The following PRRG1 variants were observed in gnomAD, a reference collection of about 807,000 sequenced individuals.
PRRG1 encodes the protein proline rich and Gla domain 1, also known as transmembrane gamma-carboxyglutamic acid protein 1.
Under a neutral mutation model 11.8 loss-of-function variants are expected in PRRG1, and 5 were observed. The ratio of observed to expected loss-of-function variants is 0.42; its 90% CI spans 0.22 to 0.89. PRRG1 has a LOEUF of 0.89. PRRG1 is among the 40% of genes least tolerant of loss of function. The probability of loss-of-function intolerance (pLI) is 0.28; values close to 1 mark genes in which losing one functional copy is unlikely to be tolerated. For missense variants in PRRG1, 155 were observed against 166.1 expected (o/e 0.93, Z 0.37); for synonymous variants, 66 against 60.4 (o/e 1.09, Z -0.43).
At chrX:37,444,565 T>C (rs1482075712) in intron 3 of PRRG1, among the ~76,000 whole-genome samples, 1 of 112,030 alleles carries the variant, frequency 8.9e-6, no homozygotes, top group Non-Finnish European at 1.9e-5. Context: ...GTGCCTGGCA[T>C]GGTGTAAGTA....
intron 1 of PRRG1, among the ~76,000 whole-genome samples, chrX:37,395,955 A>G (rs782467761): frequency 1.8e-5 from 2 of 112,023 alleles, no homozygotes; most frequent in South Asian, 7.5e-4. Context: ...AACTGAAATG[A>G]TAGCAGCTCC....
intron 3 of PRRG1, among the ~76,000 whole-genome samples, chrX:37,445,572 C>CT (rs1472580909): frequency 3.6e-5 from 4 of 112,661 alleles, no homozygotes; most frequent in African/African-American, 1.3e-4. Flanking sequence ...CATGCACATA[C>CT]TGCACCAAAC....
intron 1 of PRRG1, among the ~76,000 whole-genome samples, chrX:37,397,333 A>AG (rs1337676197): frequency 8.9e-6 from 1 of 112,408 alleles, no homozygotes; most frequent in Non-Finnish European, 1.9e-5. Flanking sequence ...AAATTGATTA[A>AG]GGTGGTATGT....
intron 3 of PRRG1, among the ~76,000 whole-genome samples, chrX:37,433,965 T>A (rs930050887): frequency 2.7e-5 from 3 of 112,463 alleles, no homozygotes; most frequent in Non-Finnish European, 3.8e-5. Flanking sequence ...TCTCATTTTT[T>A]ATCTGTTTCA....
At chrX:37,388,915 T>C (rs1274247108) in intron 1 of PRRG1, among the ~76,000 whole-genome samples, 1 of 112,543 alleles carries the variant, frequency 8.9e-6, no homozygotes, top group South Asian at 3.7e-4. Flanking sequence ...TCCAGTTTTA[T>C]GTTATTTCTT....
rs781823966 is a variant in PRRG1, at chrX:37,404,524, G to A, written c.-41-1685G>A. On this transcript the variant is annotated intron_variant, in intron 1 of 3. Coordinates refer to ENST00000378628, the MANE Select transcript of PRRG1 (RefSeq NM_001142395.2). ...CTAACACTTTCCTAAAGGTTTCCCA[G>A]AATAGCTTTATCTGAAGGGTCAGGA... Among the ~76,000 whole-genome samples the A allele has an allele frequency of 1.3e-4, 15 of 111,118 alleles. No individual in the cohort carries two copies. The South Asian group carries it at 5.0e-3, about 37-fold the overall frequency.
At chrX:37,387,489 A>G (rs1440186937) in intron 1 of PRRG1, among the ~76,000 whole-genome samples, 3 of 111,768 alleles carry the variant, frequency 2.7e-5, no homozygotes, top group African/African-American at 9.8e-5. Context: ...GGGAACTTAA[A>G]TCGTGGCAGA....
Position 37,455,001 on chromosome X carries a change from G to A in PRRG1, c.*1380G>A, listed in dbSNP as rs1225774341. 7 of 111,884 alleles carry A rather than the reference G, an allele frequency of 6.3e-5. No individual in the cohort carries two copies. The highest frequency in any genetic ancestry group is 2.0e-4 in the African/African-American group (6 of 30,760). The allele number at this position is 111,884 out of a possible 1,213,427, so 9.2% of individuals were successfully genotyped here. On this transcript the variant is annotated 3_prime_UTR_variant, in exon 4 of 4. Coordinates refer to ENST00000378628, the MANE Select transcript of PRRG1 (RefSeq NM_001142395.2). ...TTGTACCACTTCCAAACTTTTCAGC[G>A]TTGGATAAAATGATTGATGAGGCAG...
At chrX:37,400,308 A>G (rs1471330739) in intron 1 of PRRG1, among the ~76,000 whole-genome samples, 4 of 112,209 alleles carry the variant, frequency 3.6e-5, no homozygotes, top group African/African-American at 9.8e-5. Context: ...CAATCAAACT[A>G]GAACTCAGGA....
intron 1 of PRRG1, among the ~76,000 whole-genome samples, chrX:37,352,815 A>G (rs1556365128): frequency 8.9e-6 from 1 of 111,823 alleles, no homozygotes; most frequent in African/African-American, 3.3e-5. Flanking sequence ...GATGTGACGC[A>G]TAATGACATT....
chrX:37,447,579 A>C (rs782407485), intron 3 of PRRG1, among the ~76,000 whole-genome samples: 22 of 112,579 alleles, frequency 2.0e-4, no homozygotes, highest in Non-Finnish European at 2.6e-4. Context: ...TTAATGTTTC[A>C]AATTTTTCTT....
chrX:37,449,564 G>A (rs1921042208), intron 3 of PRRG1, among the ~76,000 whole-genome samples: 1 of 112,286 alleles, frequency 8.9e-6, no homozygotes, highest in Non-Finnish European at 1.9e-5. Context: ...AGGATGAAAC[G>A]TCTACCTCTT....
chrX:37,422,811 ACT>A (rs1281578787), intron 2 of PRRG1, among the ~76,000 whole-genome samples: 1 of 111,542 alleles, frequency 9.0e-6, no homozygotes, highest in African/African-American at 3.3e-5. Context: ...TTAACACATT[ACT>A]CACATGTTTG....
chrX:37,369,813 C>G (rs1556370339), intron 1 of PRRG1, among the ~76,000 whole-genome samples: 1 of 111,721 alleles, frequency 9.0e-6, no homozygotes, highest in Non-Finnish European at 1.9e-5. Flanking sequence ...CTCACGAGAT[C>G]TGATGGTTTC....
intron 1 of PRRG1, among the ~76,000 whole-genome samples, chrX:37,398,675 A>G (rs1931818084): frequency 8.9e-6 from 1 of 112,234 alleles, no homozygotes; most frequent in African/African-American, 3.2e-5. Context: ...AGACGATCAA[A>G]CTCCTCCGAG....
At chrX:37,429,452 G>T (rs1214583231) in intron 3 of PRRG1, among the ~76,000 whole-genome samples, 1 of 111,315 alleles carries the variant, frequency 9.0e-6, no homozygotes, top group Non-Finnish European at 1.9e-5. Context: ...AATCTCTAGG[G>T]CGGGGCAAAA....
intron 2 of PRRG1, among the ~76,000 whole-genome samples, chrX:37,414,051 A>G (rs1015845454): frequency 8.9e-5 from 10 of 111,892 alleles, no homozygotes; most frequent in African/African-American, 3.3e-4. Flanking sequence ...CGTAACAACA[A>G]AATCACCTAA....
intron 2 of PRRG1, among the ~76,000 whole-genome samples, chrX:37,422,718 A>G (rs1416690937): frequency 1.8e-5 from 2 of 111,832 alleles, no homozygotes; most frequent in Non-Finnish European, 3.8e-5. Context: ...TCAGTCAACA[A>G]CAGACTGCAT....
chrX:37,433,035 C>T (rs782430440), intron 3 of PRRG1, among the ~76,000 whole-genome samples: 62 of 111,544 alleles, frequency 5.6e-4, no homozygotes, highest in African/African-American at 1.9e-3. Context: ...AAAATATACT[C>T]GGAATCTAGC....
Sources: gnomAD v4.1 joint callset for allele counts (sites outside exome capture counted in the v4.1 genomes callset) on GRCh38, gnomAD v4.1.1 for gene constraint, MANE v1.5 for transcripts, NCBI Gene and HGNC (gene_info 2026-07-23, HGNC 2026-07-21) for gene names.